The following GFPT2 variants were observed in gnomAD, a reference collection of about 807,000 sequenced individuals.
The protein encoded by GFPT2 is glutamine--fructose-6-phosphate transaminase 2, also known as glutamine--fructose-6-phosphate aminotransferase [isomerizing] 2.
GFPT2 carries 62 observed loss-of-function variants against 85.6 expected under a neutral mutation model. The observed-to-expected ratio is 0.72, with a 90% CI of 0.59 to 0.90. The LOEUF is 0.90. GFPT2 is among the 40% of genes least tolerant of loss of function. The pLI, the probability that GFPT2 is intolerant of heterozygous loss-of-function variation, is 0.00. For missense variants in GFPT2, 788 were observed against 893.4 expected (o/e 0.88, Z 1.50); for synonymous variants, 368 against 344.5 (o/e 1.07, Z -0.75).
At chr5:180,307,096 C>G in intron 16 of GFPT2, 80 bp downstream of exon 16, 1 of 1,250,648 alleles carries the variant, frequency 8.0e-7, no homozygotes, top group Non-Finnish European at 1.1e-6. Context: ...AGCCCAACGC[C>G]CTGCCCTCCT....
Position 180,301,624 on chromosome 5 carries a change from G to A in GFPT2, c.2005-16C>T, listed in dbSNP as rs1275309731. Reference sequence around the variant, plus strand: ...GGAAGTCAACCTAAAATGAAAGAAAGTGACTGTTCAGGACCCCAAAGATCT... The same window carrying A: ...GGAAGTCAACCTAAAATGAAAGAAAATGACTGTTCAGGACCCCAAAGATCT... On this transcript the variant is annotated splice_polypyrimidine_tract_variant and intron_variant, in intron 18 of 18. Coordinates refer to ENST00000253778, the MANE Select transcript of GFPT2 (RefSeq NM_005110.4). The A allele has an allele frequency of 6.2e-7, 1 of 1,609,844 alleles. No homozygotes were observed. Among genetic ancestry groups the A allele is most frequent in the Non-Finnish European group, 8.5e-7 (1 of 1,176,098 alleles).
chr5:180,338,799 T>C (rs1379143203), intron 1 of GFPT2, among the ~76,000 whole-genome samples, 199 bp from the exon 2 acceptor site: 1 of 152,216 alleles, frequency 6.6e-6, no homozygotes, highest in African/African-American at 2.4e-5. Flanking sequence ...AGAAAGCCTG[T>C]GTCACATGTC....
intron 1 of GFPT2, among the ~76,000 whole-genome samples, chr5:180,341,147 C>T (rs763180165): frequency 3.2e-4 from 49 of 152,264 alleles, no homozygotes; most frequent in African/African-American, 1.1e-3. Flanking sequence ...CAAGAATCCC[C>T]GACTCAGGAC....
chr5:180,300,963 T>G lies in GFPT2; in HGVS notation c.*601A>C, dbSNP rs1274218861. 1 of 152,788 alleles carries G rather than the reference T, an allele frequency of 6.5e-6. No homozygotes were observed. The highest frequency in any genetic ancestry group is 2.4e-5 in the African/African-American group (1 of 41,422). 9.5% of individuals were successfully genotyped at this position (152,788 alleles called of 1,614,324 possible). ...AAGGAGGCTGAGATTTCAACTGGAC[T>G]TATAGGAGGCATAGGTGGATGCAGG... On this transcript the variant is annotated 3_prime_UTR_variant, in exon 19 of 19. Coordinates refer to ENST00000253778, the MANE Select transcript of GFPT2 (RefSeq NM_005110.4).
intron 16 of GFPT2, among the ~76,000 whole-genome samples, chr5:180,305,511 A>G (rs1390444197): frequency 6.6e-6 from 1 of 152,148 alleles, no homozygotes; most frequent in Non-Finnish European, 1.5e-5. Context: ...CAAATAAATC[A>G]TCTCTCGACT....
chr5:180,343,316 C>T (rs1764554532), intron 1 of GFPT2, among the ~76,000 whole-genome samples: 1 of 152,236 alleles, frequency 6.6e-6, no homozygotes, highest in South Asian at 2.1e-4. Context: ...CAAGGCACCG[C>T]TGACTTTCAG....
chr5:180,347,218 G>A (rs181770661), intron 1 of GFPT2, among the ~76,000 whole-genome samples: 18 of 152,374 alleles, frequency 1.2e-4, no homozygotes, highest in Non-Finnish European at 2.1e-4. Flanking sequence ...TGAGATACAG[G>A]AGCCTGGAGA....
At chr5:180,343,704 A>G (rs1764560739) in intron 1 of GFPT2, among the ~76,000 whole-genome samples, 1 of 152,254 alleles carries the variant, frequency 6.6e-6, no homozygotes, top group Non-Finnish European at 1.5e-5. Flanking sequence ...GAATAAAATG[A>G]AGCTCCTTTC....
intron 16 of GFPT2, among the ~76,000 whole-genome samples, chr5:180,305,971 T>C (rs970826038): frequency 2.1e-5 from 3 of 140,286 alleles, no homozygotes; most frequent in Non-Finnish European, 4.6e-5. Flanking sequence ...TTTCTTTTTT[T>C]TTTCTTTCTT....
At chr5:180,345,076 G>A (rs1764581025) in intron 1 of GFPT2, among the ~76,000 whole-genome samples, 1 of 152,252 alleles carries the variant, frequency 6.6e-6, no homozygotes, top group Non-Finnish European at 1.5e-5. Context: ...TGAATGTTCG[G>A]ACCTCAGTTT....
Position 180,307,262 on chromosome 5 carries a change from C to G in GFPT2, c.1588G>C (p.Asp530His), listed in dbSNP as rs772684961. 1 of 1,608,974 alleles carries G rather than the reference C, an allele frequency of 6.2e-7. No homozygotes were observed. The highest frequency in any genetic ancestry group is 2.2e-5 in the East Asian group (1 of 44,580). ...TGCGTGTAGAGCTCCAGGGCCAAGTCGTGGATCTTCTCCTCCAGAGACAGC... is the reference window on the plus strand; with the variant it reads ...TGCGTGTAGAGCTCCAGGGCCAAGTGGTGGATCTTCTCCTCCAGAGACAGC... ...EVLSLEEKIH[D>H]LALELYTQRS... Residue 530 changes from aspartate to histidine, a missense_variant, in exon 16 of 19, where the codon GAC (aspartate) becomes CAC (histidine). Transcript: ENST00000253778.
intron 1 of GFPT2, chr5:180,352,513 G>C: frequency 2.2e-6 from 1 of 446,014 alleles, no homozygotes; most frequent in Middle Eastern, 3.8e-4. Flanking sequence ...GCGCGGGAGC[G>C]CCGCGGGAAT....
chr5:180,352,539 G>C lies in GFPT2; in HGVS notation c.7+672C>G, dbSNP rs756112489. The C allele has an allele frequency of 2.7e-5, 12 of 444,470 alleles. 1 individual carries two copies. The Admixed American group carries it at 2.9e-4, about 11-fold the overall frequency. 27.5% of individuals were successfully genotyped at this position (444,470 alleles called of 1,614,324 possible). A position where few individuals can be genotyped will look rare whatever the true frequency, so the allele number is the denominator to read the frequency against. ...CCGCGGGAATCGGACGCCCGGCCCCGCTCCCCGCCCCGGACTCCCTCTCGT... is the reference window on the plus strand; with the variant it reads ...CCGCGGGAATCGGACGCCCGGCCCCCCTCCCCGCCCCGGACTCCCTCTCGT... On this transcript the variant is annotated intron_variant, in intron 1 of 18. Coordinates refer to ENST00000253778, the MANE Select transcript of GFPT2 (RefSeq NM_005110.4).
At position 180,304,876 on chromosome 5, in the gene GFPT2, G is replaced by T. The variant is rs755738463; in HGVS notation, c.1738C>A (p.Pro580Thr). The change falls in exon 17 of 19, where the codon CCC (proline) becomes ACC (threonine). Residue 580 changes from proline to threonine, a missense_variant. Coordinates refer to ENST00000253778, the MANE Select transcript of GFPT2 (RefSeq NM_005110.4). ...GILAGELKHG[P>T]LALIDKQMPV... ...ATCTGCTTGTCAATCAGTGCCAGGG[G>T]CCCGTGCTTCAGCTCCCCAGCCAGG... 5.0e-6 allele frequency: 8 copies of T among 1,612,934 alleles called. No individual in the cohort carries two copies. In the East Asian group the frequency reaches 1.6e-4, roughly 31 times the overall value.
At position 180,330,809 on chromosome 5, in the gene GFPT2, G is replaced by T; in HGVS notation, c.425C>A (p.Ser142Ter). ...GGCGATGGTCTCTGTATCTGTTTCT[G>T]ACTCAAACTCGTAGCCTTTGCTTTC... is the stretch of plus-strand genomic sequence containing the variant. Reference protein sequence around the residue: ...FLESKGYEFESETDTETIAKL... With the variant: ...FLESKGYEFE The change falls in exon 6 of 19, where the codon TCA (serine) becomes TAA (stop). Residue 142 changes from serine (S) to a stop codon, truncating the protein, a stop_gained. Transcript: ENST00000253778. LOFTEE classifies it high-confidence loss of function. The surrounding 1 kb of genome is among the most constrained non-coding windows in gnomAD (Gnocchi z 4.4). The T allele has an allele frequency of 2.5e-6, 4 of 1,613,786 alleles. No homozygotes were observed. The highest frequency in any genetic ancestry group is 3.4e-6 in the Non-Finnish European group (4 of 1,179,690).
intron 1 of GFPT2, among the ~76,000 whole-genome samples, chr5:180,350,650 G>C (rs1408532950): frequency 1.3e-5 from 2 of 152,102 alleles, no homozygotes; most frequent in Admixed American, 1.3e-4. Flanking sequence ...GAGAGAGACA[G>C]GGAGGAAATA....
intron 15 of GFPT2, among the ~76,000 whole-genome samples, chr5:180,308,204 T>A (rs537240884): frequency 1.3e-5 from 2 of 149,806 alleles, no homozygotes; most frequent in African/African-American, 2.5e-5. Flanking sequence ...TGCAGTGAGC[T>A]GAGATGGCAC....
intron 1 of GFPT2, among the ~76,000 whole-genome samples, chr5:180,348,737 T>C (rs935816733): frequency 1.8e-4 from 27 of 151,870 alleles, no homozygotes; most frequent in Non-Finnish European, 2.8e-4. Flanking sequence ...CTTTTCTTTT[T>C]TTTTTTTTTT....
rs1490282820 is a variant in GFPT2 at position 180,353,061 on chromosome 5, C to T, written c.7+150G>A. ...CGGGTGAGGGGCAGCCAGGCCCGGC[C>T]GACGACAGCCCCTCGGTAGGGGCCC... On this transcript the variant is annotated intron_variant, in intron 1 of 18. Coordinates refer to ENST00000253778, the MANE Select transcript of GFPT2 (RefSeq NM_005110.4). 20 of 598,730 alleles carry T rather than the reference C, an allele frequency of 3.3e-5. No individual in the cohort carries two copies. In the Admixed American group the frequency reaches 8.5e-4, roughly 26 times the overall value. 37.1% of individuals were successfully genotyped at this position (598,730 alleles called of 1,614,324 possible). A position where few individuals can be genotyped will look rare whatever the true frequency, so the allele number is the denominator to read the frequency against.
Sources: allele counts gnomAD v4.1 joint callset (sites outside exome capture counted in the v4.1 genomes callset), GRCh38; gene constraint gnomAD v4.1.1; non-coding constraint Gnocchi (gnomAD v3.1); transcripts MANE v1.5; gene names NCBI Gene and HGNC (gene_info 2026-07-23, HGNC 2026-07-21).